Variants in MAD1L1 observed in about 807,000 individuals in gnomAD.
MAD1L1 encodes the protein mitotic arrest deficient 1 like 1, also known as mitotic spindle assembly checkpoint protein MAD1.
Under a neutral mutation model 96.9 loss-of-function variants are expected in MAD1L1, and 95 were observed. That is an observed-to-expected ratio of 0.98 (90% CI 0.83 to 1.16). The LOEUF (loss-of-function observed/expected upper bound fraction) is 1.16. Ranked by LOEUF, MAD1L1 falls within the 50% of genes most tolerant of loss-of-function variation. The probability of loss-of-function intolerance (pLI) is 0.00; values close to 1 mark genes in which losing one functional copy is unlikely to be tolerated. For missense variants in MAD1L1, 1,007 were observed against 954.4 expected, an observed-to-expected ratio of 1.06 and a Z score of -0.73; for synonymous variants, 473 against 396.6, an observed-to-expected ratio of 1.19 and a Z score of -2.29.
intron 6 of MAD1L1, among the ~76,000 whole-genome samples, chr7:2,219,128 C>T (rs1442732700): frequency 1.3e-5 from 2 of 152,288 alleles, no homozygotes; most frequent in East Asian, 3.9e-4. Flanking sequence ...GTTGCTGCCC[C>T]CATTCTGCTC....
intron 13 of MAD1L1, among the ~76,000 whole-genome samples, chr7:2,010,816 C>T (rs1406185564): frequency 6.6e-6 from 1 of 152,176 alleles, no homozygotes; most frequent in African/African-American, 2.4e-5. Flanking sequence ...CCGAGAGGCG[C>T]CTTCCCCAGG....
At chr7:1,980,876 G>T in intron 14 of MAD1L1, 1 of 418,736 alleles carries the variant, frequency 2.4e-6, no homozygotes. Flanking sequence ...CGTCGGTTTG[G>T]TTTAACAGCC....
rs1185125793 is a variant in MAD1L1, at chr7:2,142,972, G to A, written c.1073+6180C>T. Reference sequence around the variant, plus strand: ...TCATCACCACTGGCCACACACAGGAGACATCCTGCCCCACAGAGTCCCCTG... The same window carrying A: ...TCATCACCACTGGCCACACACAGGAAACATCCTGCCCCACAGAGTCCCCTG... On this transcript the variant is annotated intron_variant, in intron 11 of 18. Coordinates refer to ENST00000265854, the MANE Select transcript of MAD1L1 (RefSeq NM_001013836.2). The surrounding 1 kb of genome is among the most constrained non-coding windows in gnomAD (Gnocchi z 4.7). Among the ~76,000 whole-genome samples, 2 of 152,172 alleles carry A rather than the reference G, an allele frequency of 1.3e-5. No homozygotes were observed. The highest frequency in any genetic ancestry group is 2.9e-5 in the Non-Finnish European group (2 of 68,040).
At chr7:2,014,971 T>A (rs1347883553) in intron 12 of MAD1L1, among the ~76,000 whole-genome samples, 2 of 152,214 alleles carry the variant, frequency 1.3e-5, no homozygotes, top group Non-Finnish European at 2.9e-5. Context: ...CCTCTGCCCC[T>A]GTGGACACAG....
At chr7:2,092,919 T>C (rs1411964166) in intron 11 of MAD1L1, among the ~76,000 whole-genome samples, 3 of 152,112 alleles carry the variant, frequency 2.0e-5, no homozygotes, top group East Asian at 1.9e-4. Context: ...GAGGGCCTTC[T>C]TCATGGGTAA....
At chr7:1,890,636 G>A (rs1282560031) in intron 18 of MAD1L1, among the ~76,000 whole-genome samples, 1 of 152,230 alleles carries the variant, frequency 6.6e-6, no homozygotes, top group Non-Finnish European at 1.5e-5. Flanking sequence ...CATCCTGCCA[G>A]TTTCCACGGA....
At chr7:1,826,771 G>A (rs544785804) in intron 18 of MAD1L1, among the ~76,000 whole-genome samples, 28 of 152,350 alleles carry the variant, frequency 1.8e-4, no homozygotes, top group African/African-American at 6.5e-4. Context: ...TGTCCGGCAC[G>A]GGGAAAATAG....
chr7:2,084,064 C>T (rs1009739894), intron 11 of MAD1L1, among the ~76,000 whole-genome samples: 1 of 152,242 alleles, frequency 6.6e-6, no homozygotes, highest in African/African-American at 2.4e-5. Flanking sequence ...TTCCCTTTCT[C>T]GCTATCAGTT....
At chr7:1,963,131 G>T (rs1179172734) in intron 15 of MAD1L1, among the ~76,000 whole-genome samples, 1 of 152,144 alleles carries the variant, frequency 6.6e-6, no homozygotes, top group Non-Finnish European at 1.5e-5. Flanking sequence ...ATTTCTACAT[G>T]GGACTTTATT....
At chr7:1,963,714 C>T (rs1780042957) in intron 15 of MAD1L1, among the ~76,000 whole-genome samples, 1 of 152,240 alleles carries the variant, frequency 6.6e-6, no homozygotes, top group African/African-American at 2.4e-5. Flanking sequence ...GTCATCCCAG[C>T]AGACGCCGTG....
Position 2,224,236 on chromosome 7 carries a change from C to T in MAD1L1, c.291+1174G>A, listed in dbSNP as rs545678642. ...CAGCCACAGCCATACCATCAGCATG[C>T]TGCCTCCAGACCAATGACCTGGTGG... On this transcript the variant is annotated intron_variant, in intron 4 of 18. Transcript: ENST00000265854. 2.5e-3 allele frequency among the ~76,000 whole-genome samples: 375 copies of T among 152,294 alleles called. 1 individual carries two copies. The highest frequency in any genetic ancestry group is 4.3e-3 in the Non-Finnish European group (292 of 68,018).
At position 2,000,428 on chromosome 7, in the gene MAD1L1, C is replaced by A. The variant is rs557010626; in HGVS notation, c.1416+1637G>T. On this transcript the variant is annotated intron_variant, in intron 14 of 18. Coordinates refer to ENST00000265854, the MANE Select transcript of MAD1L1 (RefSeq NM_001013836.2). ...ACCTCCTCCACCCATGAAACCACAG[C>A]CCTGCCGTGACCACACAGGGCCCAC... Among the ~76,000 whole-genome samples, 14 of 152,318 alleles carry A rather than the reference C, an allele frequency of 9.2e-5. No homozygotes were observed. In the South Asian group the frequency reaches 2.9e-3, roughly 32 times the overall value.
intron 11 of MAD1L1, among the ~76,000 whole-genome samples, chr7:2,124,673 G>A (rs977306628): frequency 6.6e-6 from 1 of 152,190 alleles, no homozygotes; most frequent in Admixed American, 6.5e-5. Flanking sequence ...GGGCAGACCT[G>A]CTGGGTTCTC....
intron 10 of MAD1L1, among the ~76,000 whole-genome samples, chr7:2,188,081 G>C (rs1791545519): frequency 2.0e-5 from 3 of 152,210 alleles, no homozygotes. Flanking sequence ...ATAATTCAGT[G>C]CGTCGATATT....
At chr7:2,193,613 A>C (rs527837670) in intron 10 of MAD1L1, 1 of 152,400 alleles carries the variant, frequency 6.6e-6, no homozygotes, top group East Asian at 1.9e-4. Context: ...AGCACTTCTC[A>C]ACCCTGGGAG....
chr7:1,955,788 G>T (rs535615362), intron 16 of MAD1L1, among the ~76,000 whole-genome samples: 1 of 152,090 alleles, frequency 6.6e-6, no homozygotes, highest in Non-Finnish European at 1.5e-5. Context: ...TGTTTTTAGG[G>T]TTGTCCTGTT....
At chr7:1,832,844 C>G (rs910050669) in intron 18 of MAD1L1, among the ~76,000 whole-genome samples, 18 of 152,078 alleles carry the variant, frequency 1.2e-4, no homozygotes, top group Non-Finnish European at 4.4e-5. Context: ...GTTGGCCAGG[C>G]TGGTCTCGAA....
chr7:2,156,406 GCCCCA>G (rs1433067264), intron 10 of MAD1L1, among the ~76,000 whole-genome samples: 1 of 120,972 alleles, frequency 8.3e-6, no homozygotes, highest in African/African-American at 3.1e-5. Context: ...AGCCTGCCCC[GCCCCA>G]CCCCACCCCA....
intron 11 of MAD1L1, among the ~76,000 whole-genome samples, chr7:2,073,683 CGTGT>C (rs1321743029): frequency 6.6e-6 from 1 of 152,216 alleles, no homozygotes; most frequent in Non-Finnish European, 1.5e-5. Flanking sequence ...TAGCGTGAAG[CGTGT>C]GTTCTGCAGC....
Sources: allele counts gnomAD v4.1 joint callset (sites outside exome capture counted in the v4.1 genomes callset), GRCh38; gene constraint gnomAD v4.1.1; non-coding constraint Gnocchi (gnomAD v3.1); transcripts MANE v1.5; gene names NCBI Gene and HGNC (gene_info 2026-07-23, HGNC 2026-07-21).